The following MAGI2 variants were observed in gnomAD, a reference collection of about 807,000 sequenced individuals.
The protein encoded by MAGI2 is membrane associated guanylate kinase, WW and PDZ domain containing 2.
MAGI2 carries 35 observed loss-of-function variants against 133.3 expected under a neutral mutation model. The observed-to-expected ratio is 0.26, with a 90% confidence interval of 0.20 to 0.35. The LOEUF is 0.35. MAGI2 is among the 10% of genes least tolerant of loss of function. The pLI, the probability that MAGI2 is intolerant of heterozygous loss-of-function variation, is 1.00. For synonymous variants in MAGI2, 729 were observed against 710.6 expected (o/e 1.03, Z -0.41); for missense variants, 1,636 against 1,863.4 (o/e 0.88, Z 2.25).
At position 78,595,939 on chromosome 7, in the gene MAGI2, C is replaced by T. The variant is rs190171063; in HGVS notation, c.538+31181G>A. 1.0e-3 allele frequency among the ~76,000 whole-genome samples: 158 copies of T among 152,238 alleles called. 1 individual carries two copies. Among genetic ancestry groups the T allele is most frequent in the African/African-American group, 3.6e-3 (150 of 41,532 alleles). ...ACACCAGAATGTCTTTGTAATTCAG[C>T]TCTCTTTTGGTAGATTTTGAATAGA... On this transcript the variant is annotated intron_variant, in intron 3 of 21. Coordinates refer to ENST00000354212, the MANE Select transcript of MAGI2 (RefSeq NM_012301.4).
intron 6 of MAGI2, among the ~76,000 whole-genome samples, chr7:78,462,583 C>T (rs1396005509): frequency 1.3e-5 from 2 of 152,106 alleles, no homozygotes; most frequent in African/African-American, 4.8e-5. Flanking sequence ...AAAGAAGGTG[C>T]CTCTGATTTC....
At chr7:78,891,651 A>G (rs1431746918) in intron 2 of MAGI2, among the ~76,000 whole-genome samples, 2 of 152,254 alleles carry the variant, frequency 1.3e-5, no homozygotes, top group African/African-American at 2.4e-5. Flanking sequence ...CAATAGATGC[A>G]GAAAAGGCCT....
At chr7:79,040,676 TAGTG>T (rs1306957366) in intron 1 of MAGI2, among the ~76,000 whole-genome samples, 2 of 152,166 alleles carry the variant, frequency 1.3e-5, no homozygotes, top group Non-Finnish European at 2.9e-5. Context: ...GTTCTCATGA[TAGTG>T]AGTGAGTTCT....
intron 9 of MAGI2, among the ~76,000 whole-genome samples, chr7:78,258,669 T>A (rs1233594626): frequency 2.0e-5 from 3 of 152,246 alleles, no homozygotes; most frequent in Admixed American, 2.0e-4. Context: ...GTATTTTACA[T>A]ATTTTAAGCC....
intron 2 of MAGI2, among the ~76,000 whole-genome samples, chr7:78,843,856 G>A (rs531183019): frequency 2.0e-5 from 3 of 151,136 alleles, no homozygotes; most frequent in East Asian, 3.9e-4. Flanking sequence ...CTAATGTTCA[G>A]TTTTTGAGGG....
chr7:79,254,904 C>T (rs184468387), intron 1 of MAGI2, among the ~76,000 whole-genome samples: 1 of 152,266 alleles, frequency 6.6e-6, no homozygotes, highest in East Asian at 1.9e-4. Flanking sequence ...TTCCAAGACT[C>T]ATTTGAAATT....
chr7:78,110,661 A>T (rs1173457082), intron 20 of MAGI2, among the ~76,000 whole-genome samples: 1 of 152,204 alleles, frequency 6.6e-6, no homozygotes, highest in Admixed American at 6.5e-5. Flanking sequence ...TTATTAAAAA[A>T]GAAATATTTT....
At chr7:78,728,507 A>G (rs916232745) in intron 2 of MAGI2, among the ~76,000 whole-genome samples, 10 of 136,666 alleles carry the variant, frequency 7.3e-5, no homozygotes, top group Non-Finnish European at 1.3e-4. Context: ...TGAATTAAAG[A>G]TTTCAAAATT....
intron 1 of MAGI2, among the ~76,000 whole-genome samples, chr7:79,344,489 AGAG>A (rs1396362982): frequency 2.6e-5 from 4 of 152,132 alleles, no homozygotes; most frequent in African/African-American, 9.7e-5. Flanking sequence ...ATGGTGTCAT[AGAG>A]GAGGTGGCAT....
intron 9 of MAGI2, among the ~76,000 whole-genome samples, chr7:78,261,849 T>G (rs181058661): frequency 6.6e-6 from 1 of 152,306 alleles, no homozygotes; most frequent in East Asian, 1.9e-4. Context: ...ATTATAATAT[T>G]GTACATCTAT....
chr7:79,106,168 A>T (rs1401229174), intron 1 of MAGI2, among the ~76,000 whole-genome samples: 3 of 152,172 alleles, frequency 2.0e-5, no homozygotes, highest in Admixed American at 6.5e-5. Flanking sequence ...ATGAATCTCA[A>T]ATGTATTATG....
At chr7:78,879,065 G>A (rs1795646714) in intron 2 of MAGI2, among the ~76,000 whole-genome samples, 1 of 152,136 alleles carries the variant, frequency 6.6e-6, no homozygotes, top group Non-Finnish European at 1.5e-5. Flanking sequence ...TAGGAGATTA[G>A]GCATCCCCCA....
intron 2 of MAGI2, among the ~76,000 whole-genome samples, chr7:78,822,725 G>T (rs1254888983): frequency 1.3e-5 from 2 of 151,994 alleles, no homozygotes; most frequent in African/African-American, 4.8e-5. Context: ...TAACAAGACA[G>T]CATGCCTGAA....
chr7:79,347,510 C>T (rs559771093), intron 1 of MAGI2, among the ~76,000 whole-genome samples: 1 of 151,732 alleles, frequency 6.6e-6, no homozygotes, highest in African/African-American at 2.4e-5. Flanking sequence ...ATCAGTTTTG[C>T]TTATATTTTT....
intron 6 of MAGI2, among the ~76,000 whole-genome samples, chr7:78,488,543 A>AGC (rs200251681): frequency 5.3e-5 from 7 of 131,992 alleles, no homozygotes; most frequent in African/African-American, 2.2e-4. Context: ...CACATTTTGT[A>AGC]ACACGTTTCA....
intron 1 of MAGI2, among the ~76,000 whole-genome samples, chr7:79,069,294 G>A (rs1036452708): frequency 3.6e-4 from 55 of 152,178 alleles, no homozygotes; most frequent in African/African-American, 1.2e-3. Flanking sequence ...TGTATTGGGC[G>A]CATATATATT....
chr7:79,220,860 G>A (rs1830395349), intron 1 of MAGI2, among the ~76,000 whole-genome samples: 1 of 152,204 alleles, frequency 6.6e-6, no homozygotes, highest in Non-Finnish European at 1.5e-5. Flanking sequence ...TATAGACACT[G>A]CTTTCCTTCT....
intron 6 of MAGI2, among the ~76,000 whole-genome samples, chr7:78,379,855 T>A (rs1042638009): frequency 6.6e-6 from 1 of 151,990 alleles, no homozygotes; most frequent in Non-Finnish European, 1.5e-5. Flanking sequence ...ATCCTGACCA[T>A]AATGCAATAA....
intron 1 of MAGI2, among the ~76,000 whole-genome samples, chr7:79,124,090 T>A (rs548027173): frequency 1.2e-3 from 182 of 152,314 alleles, no homozygotes; most frequent in African/African-American, 4.4e-3. Context: ...TTTGTTACAA[T>A]GAAATATTTG....
Sources: gnomAD v4.1 joint callset for allele counts (sites outside exome capture counted in the v4.1 genomes callset) on GRCh38, gnomAD v4.1.1 for gene constraint, MANE v1.5 for transcripts, NCBI Gene and HGNC (gene_info 2026-07-23, HGNC 2026-07-21) for gene names.